The following RBFOX1 variants were observed in gnomAD, a reference collection of about 807,000 sequenced individuals.
RBFOX1 encodes RNA binding fox-1 homolog 1.
RBFOX1 carries 8 observed loss-of-function variants against 57.7 expected under a neutral mutation model. The observed-to-expected ratio is 0.14, with a 90% CI of 0.08 to 0.25. RBFOX1 has a LOEUF of 0.25. Ranked by LOEUF, RBFOX1 falls within the 10% of genes least tolerant of loss-of-function variation. RBFOX1 has a pLI of 1.00. For synonymous variants in RBFOX1, 326 were observed against 222.4 expected (o/e 1.47, Z -4.15); for missense variants, 611 against 548.5 (o/e 1.11, Z -1.14).
chr16:5,732,526 G>C (rs2052416685), intron 3 of RBFOX1, among the ~76,000 whole-genome samples: 1 of 152,196 alleles, frequency 6.6e-6, no homozygotes, highest in Non-Finnish European at 1.5e-5. Context: ...AGACATAGGG[G>C]AGAGGCAGGG....
intron 4 of RBFOX1, among the ~76,000 whole-genome samples, chr16:7,309,075 A>T (rs1325680440): frequency 6.6e-6 from 1 of 152,218 alleles, no homozygotes; most frequent in Non-Finnish European, 1.5e-5. Flanking sequence ...GTTTAAAGGA[A>T]TTTAAGTGGC....
intron 4 of RBFOX1, among the ~76,000 whole-genome samples, chr16:7,245,802 A>G (rs745661567): frequency 6.6e-6 from 1 of 152,210 alleles, no homozygotes; most frequent in African/African-American, 2.4e-5. Context: ...ATAGTGCTTT[A>G]GACAGCACTT....
intron 2 of RBFOX1, among the ~76,000 whole-genome samples, chr16:6,515,718 G>A (rs1186220918): frequency 6.6e-6 from 1 of 151,958 alleles, no homozygotes; most frequent in Non-Finnish European, 1.5e-5. Context: ...TTGACTTCAG[G>A]CTACCCCATA....
intron 2 of RBFOX1, among the ~76,000 whole-genome samples, chr16:6,637,827 CTTT>C (rs1567989571): frequency 6.6e-6 from 1 of 151,888 alleles, no homozygotes; most frequent in African/African-American, 2.4e-5. Context: ...CTTGGAGGTC[CTTT>C]CTGCACTGGA....
At chr16:7,600,351 T>C (rs894260566) in intron 9 of RBFOX1, among the ~76,000 whole-genome samples, 12 of 152,176 alleles carry the variant, frequency 7.9e-5, no homozygotes, top group Admixed American at 1.3e-4. Flanking sequence ...ACTTTGGTGT[T>C]CAAAGAAAAG....
chr16:5,671,470 G>T (rs996423598), intron 3 of RBFOX1, among the ~76,000 whole-genome samples: 5 of 152,202 alleles, frequency 3.3e-5, no homozygotes, highest in African/African-American at 1.2e-4. Flanking sequence ...TGTTTTTAGT[G>T]TATGCGGTGC....
chr16:5,676,306 T>G (rs891868666), intron 3 of RBFOX1, among the ~76,000 whole-genome samples: 1 of 152,124 alleles, frequency 6.6e-6, no homozygotes, highest in Non-Finnish European at 1.5e-5. Flanking sequence ...CATTTGTGTA[T>G]CCATTCATCT....
rs186885019 is a variant in RBFOX1 at position 7,211,895 on chromosome 16, C to T, written c.27+159797C>T. Reference sequence around the variant, plus strand: ...CAAGCAAAATAAAATTAGAAATGTGCTGGTCGGGGGAAGCCAGCTACCCAC... The same window carrying T: ...CAAGCAAAATAAAATTAGAAATGTGTTGGTCGGGGGAAGCCAGCTACCCAC... On this transcript the variant is annotated intron_variant, in intron 4 of 15. Coordinates refer to ENST00000550418, the MANE Select transcript of RBFOX1 (RefSeq NM_018723.4). Among the ~76,000 whole-genome samples, 268 of 152,238 alleles carry T rather than the reference C, an allele frequency of 1.8e-3. 2 individuals carry two copies. Among genetic ancestry groups the T allele is most frequent in the South Asian group, 3.3e-3 (16 of 4,820 alleles).
At chr16:7,361,153 T>C (rs2097312319) in intron 4 of RBFOX1, among the ~76,000 whole-genome samples, 1 of 152,308 alleles carries the variant, frequency 6.6e-6, no homozygotes, top group East Asian at 1.9e-4. Flanking sequence ...CCAGCCCTCT[T>C]TCCAAGCTTC....
At chr16:6,191,557 T>G (rs1286487969) in intron 1 of RBFOX1, among the ~76,000 whole-genome samples, 1 of 152,146 alleles carries the variant, frequency 6.6e-6, no homozygotes, top group Non-Finnish European at 1.5e-5. Context: ...CATTCTTTAT[T>G]GGAGAGAAAA....
At chr16:7,001,543 G>C (rs557916367) in intron 3 of RBFOX1, among the ~76,000 whole-genome samples, 2 of 152,108 alleles carry the variant, frequency 1.3e-5, no homozygotes, top group East Asian at 1.9e-4. Flanking sequence ...TGCAACCTCC[G>C]CCTCCCGGGT....
At chr16:6,070,053 AT>A (rs1318559593) in intron 1 of RBFOX1, among the ~76,000 whole-genome samples, 3 of 152,210 alleles carry the variant, frequency 2.0e-5, no homozygotes, top group African/African-American at 7.2e-5. Context: ...TACTTTCATA[AT>A]TCAAATTCCA....
intron 4 of RBFOX1, among the ~76,000 whole-genome samples, chr16:7,343,252 C>T (rs751092289): frequency 6.6e-6 from 1 of 152,192 alleles, no homozygotes; most frequent in African/African-American, 2.4e-5. Flanking sequence ...TTATGGGAAG[C>T]CTTTCGGGGG....
At chr16:5,718,750 C>T (rs117224892) in intron 3 of RBFOX1, among the ~76,000 whole-genome samples, 1 of 152,136 alleles carries the variant, frequency 6.6e-6, no homozygotes, top group East Asian at 1.9e-4. Flanking sequence ...CTAATAAAAG[C>T]TACAAAAATT....
intron 1 of RBFOX1, among the ~76,000 whole-genome samples, chr16:5,263,677 G>A (rs1245165037): frequency 2.0e-5 from 3 of 152,122 alleles, no homozygotes; most frequent in Non-Finnish European, 1.5e-5. Context: ...AGATGGGAAA[G>A]GCAGAGGAAG....
intron 4 of RBFOX1, among the ~76,000 whole-genome samples, chr16:7,135,146 G>A (rs1238081827): frequency 6.6e-6 from 1 of 152,184 alleles, no homozygotes; most frequent in African/African-American, 2.4e-5. Flanking sequence ...AGGAATTTCT[G>A]AGTTCGTGTT....
intron 3 of RBFOX1, among the ~76,000 whole-genome samples, chr16:6,779,821 A>ATATT: frequency 3.8e-5 from 1 of 26,434 alleles, no homozygotes; most frequent in African/African-American, 2.1e-4. Context: ...ATATATATTT[A>ATATT]TATATATTTT....
At position 7,185,281 on chromosome 16, in the gene RBFOX1, A is replaced by AT. The variant is rs951538100; in HGVS notation, c.27+133192dup. 4.1e-3 allele frequency among the ~76,000 whole-genome samples: 615 copies of AT among 151,380 alleles called. 5 individuals are homozygous for AT. The highest frequency in any genetic ancestry group is 0.014 in the African/African-American group (570 of 41,246). On this transcript the variant is annotated intron_variant, in intron 4 of 15. Coordinates refer to ENST00000550418, the MANE Select transcript of RBFOX1 (RefSeq NM_018723.4). ...CAAATTGAAGGAGGTGTTTGCACGTATTTTTTTTTCCCTAATGATTCTACT... is the reference window on the plus strand; with the variant it reads ...CAAATTGAAGGAGGTGTTTGCACGTATTTTTTTTTTCCCTAATGATTCTACT...
intron 1 of RBFOX1, among the ~76,000 whole-genome samples, chr16:6,142,692 G>T (rs1263874073): frequency 6.6e-6 from 1 of 152,160 alleles, no homozygotes; most frequent in Non-Finnish European, 1.5e-5. Context: ...AGTGAATGAG[G>T]AATCCATTTA....
Sources: gnomAD v4.1 joint callset for allele counts (sites outside exome capture counted in the v4.1 genomes callset) on GRCh38, gnomAD v4.1.1 for gene constraint, MANE v1.5 for transcripts, NCBI Gene and HGNC (gene_info 2026-07-23, HGNC 2026-07-21) for gene names.